The following ADAMTS6 variants were observed in gnomAD, a reference collection of about 807,000 sequenced individuals.
The protein encoded by ADAMTS6 is A disintegrin and metalloproteinase with thrombospondin motifs 6.
ADAMTS6 carries 23 observed loss-of-function variants against 144.3 expected under a neutral mutation model. That is an observed-to-expected ratio of 0.16 (90% confidence interval 0.11 to 0.23). The LOEUF is 0.23. ADAMTS6 is among the 10% of genes least tolerant of loss of function. The pLI, the probability that ADAMTS6 is intolerant of heterozygous loss-of-function variation, is 1.00. For missense variants in ADAMTS6, 999 were observed against 1,379.6 expected (o/e 0.72, Z 4.37); for synonymous variants, 444 against 457.5 (o/e 0.97, Z 0.38).
intron 14 of ADAMTS6, among the ~76,000 whole-genome samples, chr5:65,243,821 C>CA (rs537009877): frequency 2.3e-4 from 35 of 151,416 alleles, no homozygotes; most frequent in South Asian, 1.7e-3. Flanking sequence ...CAAAAACAAA[C>CA]AAAAAAAACA....
chr5:65,431,108 T>G (rs1191514915), intron 7 of ADAMTS6, among the ~76,000 whole-genome samples: 1 of 152,202 alleles, frequency 6.6e-6, no homozygotes, highest in African/African-American at 2.4e-5. Flanking sequence ...AGTTTCAAGG[T>G]ATTTCTTGGA....
At chr5:65,288,133 T>G (rs1741877363) in intron 11 of ADAMTS6, among the ~76,000 whole-genome samples, 1 of 152,002 alleles carries the variant, frequency 6.6e-6, no homozygotes, top group African/African-American at 2.4e-5. Context: ...ATAACTAACA[T>G]GTATATTAAT....
intron 14 of ADAMTS6, among the ~76,000 whole-genome samples, chr5:65,259,401 C>A (rs943805002): frequency 2.0e-5 from 3 of 151,600 alleles, no homozygotes; most frequent in Non-Finnish European, 2.9e-5. Context: ...AACAAACAAA[C>A]AAACAAACAA....
rs951540529 is a variant in ADAMTS6, at chr5:65,214,305, C to T, written c.2575+489G>A. ...AGATACCAGTAATTATTGTAGCATCCCAGTATACAGCCCCTTAACTTTGAT... is the reference window on the plus strand; with the variant it reads ...AGATACCAGTAATTATTGTAGCATCTCAGTATACAGCCCCTTAACTTTGAT... On this transcript the variant is annotated intron_variant, in intron 20 of 24. Transcript: ENST00000381055. The surrounding 1 kb of genome is among the most constrained non-coding windows in gnomAD (Gnocchi z 4.6). 4 of 294,712 alleles carry T rather than the reference C, an allele frequency of 1.4e-5. No homozygotes were observed. The highest frequency in any genetic ancestry group is 5.0e-5 in the Admixed American group (1 of 19,984). The allele number at this position is 294,712 out of a possible 1,614,324, so 18.3% of individuals were successfully genotyped here. A position where few individuals can be genotyped will look rare whatever the true frequency, so the allele number is the denominator to read the frequency against.
At chr5:65,389,554 A>G (rs1368017991) in intron 7 of ADAMTS6, among the ~76,000 whole-genome samples, 1 of 151,902 alleles carries the variant, frequency 6.6e-6, no homozygotes, top group Non-Finnish European at 1.5e-5. Context: ...GGAGGATATG[A>G]GAGTATATTT....
chr5:65,310,878 T>C (rs1031318689), intron 9 of ADAMTS6, among the ~76,000 whole-genome samples: 1 of 152,230 alleles, frequency 6.6e-6, no homozygotes. Context: ...GTTACTTTTC[T>C]TCATAACACT....
At chr5:65,471,582 C>T (rs940108222) in intron 2 of ADAMTS6, among the ~76,000 whole-genome samples, 2 of 149,302 alleles carry the variant, frequency 1.3e-5, no homozygotes, top group Non-Finnish European at 2.9e-5. Flanking sequence ...ACGGTGAAAC[C>T]CCGCCTCTAC....
At chr5:65,223,832 C>T (rs1383936331) in intron 18 of ADAMTS6, among the ~76,000 whole-genome samples, 3 of 148,694 alleles carry the variant, frequency 2.0e-5, no homozygotes, top group Non-Finnish European at 4.4e-5. Context: ...CGGAGTCTCG[C>T]TCAGTCCCCC....
intron 12 of ADAMTS6, among the ~76,000 whole-genome samples, chr5:65,272,681 A>G (rs1762142282): frequency 6.6e-6 from 1 of 152,086 alleles, no homozygotes; most frequent in Non-Finnish European, 1.5e-5. Context: ...GCACTTTGGG[A>G]GGCTGAGGTG....
intron 15 of ADAMTS6, among the ~76,000 whole-genome samples, chr5:65,241,183 T>C (rs1356755688): frequency 1.3e-5 from 2 of 151,316 alleles, no homozygotes; most frequent in Non-Finnish European, 2.9e-5. Context: ...TATAAGATAC[T>C]GGAAAAGCAA....
intron 21 of ADAMTS6, among the ~76,000 whole-genome samples, chr5:65,191,030 C>T (rs1403222810): frequency 1.3e-5 from 2 of 152,062 alleles, no homozygotes; most frequent in Non-Finnish European, 2.9e-5. Context: ...TCTTTCCCTC[C>T]TCTAGACTTG....
intron 24 of ADAMTS6, 137 bp downstream of exon 24, chr5:65,170,480 G>A (rs1436627381): frequency 1.0e-6 from 1 of 961,054 alleles, no homozygotes; most frequent in African/African-American, 1.6e-5. Flanking sequence ...CCTGATTGCT[G>A]TCTGCATATA....
chr5:65,427,080 A>C (rs1192737755), intron 7 of ADAMTS6, among the ~76,000 whole-genome samples: 1 of 152,178 alleles, frequency 6.6e-6, no homozygotes, highest in Non-Finnish European at 1.5e-5. Flanking sequence ...TAAATAATAG[A>C]AAAGGGTTAG....
Position 65,214,579 on chromosome 5 carries a change from T to C in ADAMTS6, c.2575+215A>G, listed in dbSNP as rs1289706072. 3 of 649,250 alleles carry C rather than the reference T, an allele frequency of 4.6e-6. No individual in the cohort carries two copies. Among genetic ancestry groups the C allele is most frequent in the Non-Finnish European group, 7.9e-6 (3 of 378,966 alleles). 40.2% of individuals were successfully genotyped at this position (649,250 alleles called of 1,614,324 possible). ...AGCAGAGACACTCATTGTGCCAAGA[T>C]GTATTTTACCAACAAATCTGCACAA... is the stretch of plus-strand genomic sequence containing the variant. On this transcript the variant is annotated intron_variant, in intron 20 of 24. Transcript: ENST00000381055. The surrounding 1 kb of genome is among the most constrained non-coding windows in gnomAD (Gnocchi z 4.6).
intron 20 of ADAMTS6, among the ~76,000 whole-genome samples, chr5:65,200,291 T>G (rs1430521463): frequency 6.6e-6 from 1 of 152,154 alleles, no homozygotes; most frequent in African/African-American, 2.4e-5. Context: ...TACTTTTGAA[T>G]TAAGGAAAAT....
chr5:65,375,874 A>T (rs973317948), intron 7 of ADAMTS6, among the ~76,000 whole-genome samples: 2 of 152,242 alleles, frequency 1.3e-5, no homozygotes, highest in Non-Finnish European at 1.5e-5. Context: ...ATGTCCAACA[A>T]TGATAGGCTG....
At chr5:65,458,319 G>A (rs1028213771) in intron 4 of ADAMTS6, among the ~76,000 whole-genome samples, 2 of 152,138 alleles carry the variant, frequency 1.3e-5, no homozygotes, top group African/African-American at 4.8e-5. Flanking sequence ...AAGAAAAGAA[G>A]ACTTAACACT....
intron 1 of ADAMTS6, among the ~76,000 whole-genome samples, chr5:65,480,203 G>C (rs1376070652): frequency 6.6e-6 from 1 of 152,104 alleles, no homozygotes; most frequent in Non-Finnish European, 1.5e-5. Context: ...ATTAGTCCAC[G>C]ACACTTGAAC....
At chr5:65,419,125 T>C (rs1328366494) in intron 7 of ADAMTS6, among the ~76,000 whole-genome samples, 1 of 152,186 alleles carries the variant, frequency 6.6e-6, no homozygotes, top group African/African-American at 2.4e-5. Flanking sequence ...CTATTCACAA[T>C]AGCAAAGACA....
Sources: allele counts gnomAD v4.1 joint callset (sites outside exome capture counted in the v4.1 genomes callset), GRCh38; gene constraint gnomAD v4.1.1; non-coding constraint Gnocchi (gnomAD v3.1); transcripts MANE v1.5; gene names NCBI Gene and HGNC (gene_info 2026-07-23, HGNC 2026-07-21).